MAGI3: variants seen among roughly 807,000 people sequenced by gnomAD.
MAGI3 encodes membrane associated guanylate kinase, WW and PDZ domain containing 3, also known as membrane-associated guanylate kinase, WW and PDZ domain-containing protein 3.
In MAGI3, 43 loss-of-function variants were observed where a neutral mutation model predicts 121.8. The ratio of observed to expected loss-of-function variants is 0.35; its 90% CI spans 0.28 to 0.46. The LOEUF is 0.46. Among genes scored for constraint, MAGI3 ranks in the 20% least tolerant of loss-of-function variants. The pLI, the probability that MAGI3 is intolerant of heterozygous loss-of-function variation, is 1.00. For synonymous variants in MAGI3, 553 were observed against 639.3 expected (o/e 0.86, Z 2.04); for missense variants, 1,547 against 1,797.3 (o/e 0.86, Z 2.52).
At chr1:113,636,530 G>A (rs1230200483) in intron 9 of MAGI3, among the ~76,000 whole-genome samples, 1 of 145,818 alleles carries the variant, frequency 6.9e-6, no homozygotes, top group Non-Finnish European at 1.5e-5. Flanking sequence ...CCATGTAGTT[G>A]AGCGGTTTTG....
Position 113,488,677 on chromosome 1 carries a change from G to A in MAGI3, c.317-60838G>A, listed in dbSNP as rs76426201. On this transcript the variant is annotated intron_variant, in intron 1 of 20. Coordinates refer to ENST00000307546, the MANE Select transcript of MAGI3 (RefSeq NM_001142782.2). ...TTTCCTTTGCCACACCAGTGTGAGG[G>A]AGTGCAGTCCGACCCCCTCCACCCA... Among the ~76,000 whole-genome samples the A allele has an allele frequency of 7.6e-3, 1,153 of 152,288 alleles. 16 individuals are homozygous for A. Among genetic ancestry groups the A allele is most frequent in the Middle Eastern group, 0.034 (10 of 294 alleles).
intron 1 of MAGI3, among the ~76,000 whole-genome samples, chr1:113,425,309 G>A (rs1409648708): frequency 4.6e-5 from 5 of 109,196 alleles, no homozygotes. Context: ...TTGAGACGGA[G>A]CCTTGCTCTG....
At chr1:113,405,561 A>G (rs1651636478) in intron 1 of MAGI3, among the ~76,000 whole-genome samples, 1 of 148,558 alleles carries the variant, frequency 6.7e-6, no homozygotes. Context: ...ATTCAGTAAT[A>G]TTTTTCATGT....
chr1:113,618,778 C>T (rs904011316), intron 7 of MAGI3, among the ~76,000 whole-genome samples: 3 of 152,120 alleles, frequency 2.0e-5, no homozygotes, highest in Non-Finnish European at 2.9e-5. Flanking sequence ...TGCTGAGATT[C>T]CAGGCGTGAG....
At chr1:113,472,680 A>G (rs866197769) in intron 1 of MAGI3, among the ~76,000 whole-genome samples, 7 of 141,782 alleles carry the variant, frequency 4.9e-5, no homozygotes, top group Middle Eastern at 7.3e-3. Context: ...GTGTGTGTGT[A>G]TGTGTGTGTG....
intron 1 of MAGI3, among the ~76,000 whole-genome samples, chr1:113,533,403 G>C (rs1050047369): frequency 6.6e-6 from 1 of 152,108 alleles, no homozygotes; most frequent in African/African-American, 2.4e-5. Flanking sequence ...TGGATAGAAA[G>C]AGGAGAGCAA....
chr1:113,496,137 T>C (rs1458549211), intron 1 of MAGI3, among the ~76,000 whole-genome samples: 1 of 152,210 alleles, frequency 6.6e-6, no homozygotes, highest in Non-Finnish European at 1.5e-5. Context: ...TCTTTTTTGC[T>C]TGTTGCTAAT....
At chr1:113,482,749 G>A (rs1346214374) in intron 1 of MAGI3, among the ~76,000 whole-genome samples, 2 of 150,230 alleles carry the variant, frequency 1.3e-5, no homozygotes, top group African/African-American at 4.9e-5. Context: ...TGACAGTAGG[G>A]TTAAAGGCAT....
intron 1 of MAGI3, among the ~76,000 whole-genome samples, chr1:113,455,858 T>G (rs1446100471): frequency 6.6e-6 from 1 of 152,224 alleles, no homozygotes; most frequent in Non-Finnish European, 1.5e-5. Context: ...GCTGTTTTGC[T>G]TATTCTTGCC....
At chr1:113,676,053 ATCTC>A (rs375093476) in intron 19 of MAGI3, among the ~76,000 whole-genome samples, 21 of 136,854 alleles carry the variant, frequency 1.5e-4, no homozygotes, top group Admixed American at 1.5e-3. Context: ...TCTCTCTCTC[ATCTC>A]TCTCTCTCTC....
At chr1:113,452,101 G>A (rs1055209015) in intron 1 of MAGI3, among the ~76,000 whole-genome samples, 3 of 152,110 alleles carry the variant, frequency 2.0e-5, no homozygotes, top group African/African-American at 4.8e-5. Context: ...TCTTTCCTGA[G>A]CAGAAGCAGG....
chr1:113,612,651 A>G (rs967576505), intron 6 of MAGI3, among the ~76,000 whole-genome samples: 2 of 152,206 alleles, frequency 1.3e-5, no homozygotes, highest in Non-Finnish European at 1.5e-5. Context: ...AAACTTGCTA[A>G]TGGTATCAGT....
intron 1 of MAGI3, among the ~76,000 whole-genome samples, chr1:113,430,119 A>G (rs1653225566): frequency 6.6e-6 from 1 of 152,162 alleles, no homozygotes; most frequent in African/African-American, 2.4e-5. Flanking sequence ...TTTAACATAT[A>G]ATATAGAAGT....
chr1:113,504,674 A>G (rs1294737607), intron 1 of MAGI3, among the ~76,000 whole-genome samples: 2 of 152,128 alleles, frequency 1.3e-5, no homozygotes, highest in African/African-American at 4.8e-5. Context: ...AAAATGGAAA[A>G]TACACATACT....
chr1:113,664,290 AATTG>A (rs1276811499), intron 16 of MAGI3, among the ~76,000 whole-genome samples: 6 of 152,310 alleles, frequency 3.9e-5, no homozygotes, highest in African/African-American at 1.2e-4. Context: ...GGGTGACCAT[AATTG>A]ATTGCTTTTA....
chr1:113,512,867 C>T (rs1657689989), intron 1 of MAGI3, among the ~76,000 whole-genome samples: 1 of 152,152 alleles, frequency 6.6e-6, no homozygotes, highest in African/African-American at 2.4e-5. Flanking sequence ...GATAGTATAT[C>T]TAGAAAACCT....
chr1:113,665,546 GT>G (rs1469380069), intron 16 of MAGI3, among the ~76,000 whole-genome samples: 1 of 151,988 alleles, frequency 6.6e-6, no homozygotes, highest in African/African-American at 2.4e-5. Flanking sequence ...TCAAAGTGCA[GT>G]TTTTTGGGGA....
intron 6 of MAGI3, among the ~76,000 whole-genome samples, chr1:113,601,726 A>G (rs1233099696): frequency 6.9e-6 from 1 of 144,464 alleles, no homozygotes; most frequent in South Asian, 2.4e-4. Flanking sequence ...TACTGGGTAT[A>G]TACCCAAAGG....
At chr1:113,639,080 A>G (rs543371860) in intron 9 of MAGI3, among the ~76,000 whole-genome samples, 3 of 152,164 alleles carry the variant, frequency 2.0e-5, no homozygotes, top group Non-Finnish European at 4.4e-5. Context: ...TTTTAAGCCC[A>G]TCAGAAAAGC....
Sources: allele counts gnomAD v4.1 joint callset (sites outside exome capture counted in the v4.1 genomes callset), GRCh38; gene constraint gnomAD v4.1.1; transcripts MANE v1.5; gene names NCBI Gene and HGNC (gene_info 2026-07-23, HGNC 2026-07-21).